The following CDK18 variants were observed in gnomAD, a reference collection of about 807,000 sequenced individuals.
The protein encoded by CDK18 is cyclin-dependent kinase 18.
A neutral mutation model predicts 62.0 loss-of-function variants in CDK18; 52 were observed. The observed-to-expected ratio is 0.84, with a 90% confidence interval of 0.67 to 1.06. The LOEUF (loss-of-function observed/expected upper bound fraction) is 1.06. Among genes scored for constraint, CDK18 ranks in the 50% least tolerant of loss-of-function variants. CDK18 has a pLI of 0.00. For missense variants in CDK18, 604 were observed against 619.9 expected (o/e 0.97, Z 0.27); for synonymous variants, 237 against 247.0 (o/e 0.96, Z 0.38).
At chr1:205,520,800 GGT>G (rs1390019307) in intron 1 of CDK18, among the ~76,000 whole-genome samples, 1 of 152,172 alleles carries the variant, frequency 6.6e-6, no homozygotes, top group Non-Finnish European at 1.5e-5. Context: ...TCACCAGGTA[GGT>G]GTGTCTGGGT....
chr1:205,525,265 A>AGTCGGCCCTCTCTG (rs1309383281), intron 5 of CDK18, 70 bp downstream of exon 5: 5 of 1,148,466 alleles, frequency 4.4e-6, no homozygotes, highest in Non-Finnish European at 6.4e-6. Flanking sequence ...AGACCTCCCT[A>AGTCGGCCCTCTCTG]GTCGGCCCTC....
chr1:205,516,545 G>A lies in CDK18; in HGVS notation c.-21-6602G>A, dbSNP rs1301281740. ...TCTAACATGTGCCTGGAACACAGCAGGTGCTCCACATGTGCCTGTAAAGCA... is the reference window on the plus strand; with the variant it reads ...TCTAACATGTGCCTGGAACACAGCAAGTGCTCCACATGTGCCTGTAAAGCA... On this transcript the variant is annotated intron_variant, in intron 1 of 15. Transcript: ENST00000429964. The surrounding 1 kb of genome is among the most constrained non-coding windows in gnomAD (Gnocchi z 4.8). Among the ~76,000 whole-genome samples the A allele has an allele frequency of 6.6e-6, 1 of 152,180 alleles. No individual in the cohort carries two copies. The highest frequency in any genetic ancestry group is 2.4e-5 in the African/African-American group (1 of 41,438).
intron 12 of CDK18, 46 bp downstream of exon 12, chr1:205,529,475 C>T: frequency 6.2e-7 from 1 of 1,610,090 alleles, no homozygotes; most frequent in African/African-American, 1.3e-5. Flanking sequence ...CCTGGCTCTC[C>T]CATCCCCAAT....
At chr1:205,523,660 C>G in intron 3 of CDK18, 35 bp downstream of exon 3, 6 of 1,551,544 alleles carry the variant, frequency 3.9e-6, no homozygotes, top group Non-Finnish European at 5.2e-6. Context: ...CGGCAGGTGG[C>G]AGGATGCACG....
chr1:205,525,188 T>G lies in CDK18; in HGVS notation c.449T>G (p.Leu150Arg), dbSNP rs1352132901. The G allele has an allele frequency of 1.2e-6, 2 of 1,609,820 alleles. No individual in the cohort carries two copies. The highest frequency in any genetic ancestry group is 2.7e-5 in the African/African-American group (2 of 74,840). ...KLETYVKLDK[L>R]GEGTYATVFK... ...GAAACATACGTGAAACTGGACAAAC[T>G]GGGAGAGGTAAGACGCTGGGTTTGG... Residue 150 changes from leucine (L) to arginine (R), a missense_variant, in exon 5 of 16, where the codon CTG (leucine) becomes CGG (arginine). Coordinates refer to ENST00000429964, the MANE Select transcript of CDK18 (RefSeq NM_212502.3).
At position 205,532,476 on chromosome 1, in the gene CDK18, G is replaced by T. The variant is rs538210887; in HGVS notation, c.*1098G>T. ...CCAGAGGGCGGCCACGACAGGGAGA[G>T]GTGTAGATGCCACCATCTGAGGGAG... On this transcript the variant is annotated 3_prime_UTR_variant, in exon 16 of 16. Transcript: ENST00000429964. 9.8e-5 allele frequency: 15 copies of T among 152,696 alleles called. No individual in the cohort carries two copies. The highest frequency in any genetic ancestry group is 3.1e-4 in the African/African-American group (13 of 41,586). The allele number at this position is 152,696 out of a possible 1,614,324, so 9.5% of individuals were successfully genotyped here.
At chr1:205,515,279 C>T (rs560643491) in intron 1 of CDK18, among the ~76,000 whole-genome samples, 5 of 147,448 alleles carry the variant, frequency 3.4e-5, no homozygotes, top group Admixed American at 7.1e-5. Context: ...TGGGTTCAAG[C>T]GATACTCCTG....
In CDK18 at chr1:205,531,941, C is replaced by T. The variant is rs1482970325; in HGVS notation, c.*563C>T. On this transcript the variant is annotated 3_prime_UTR_variant, in exon 16 of 16. Transcript: ENST00000429964. ...CCTACCCCACCTGGCAGGTGTCCCA[C>T]AGCAACAGAAGGAATAGTAGTCCCC... The T allele has an allele frequency of 6.1e-6, 1 of 163,948 alleles. No homozygotes were observed. The allele number at this position is 163,948 out of a possible 1,614,324, so 10.2% of individuals were successfully genotyped here.
At chr1:205,504,892 C>T (rs1246909867) in intron 1 of CDK18, 96 bp downstream of exon 1, 2 of 152,258 alleles carry the variant, frequency 1.3e-5, no homozygotes, top group African/African-American at 4.8e-5. Context: ...AGCGGAACGG[C>T]TCTTAAAGGC....
intron 3 of CDK18, among the ~76,000 whole-genome samples, chr1:205,523,885 T>C (rs1668278272): frequency 6.6e-6 from 1 of 152,236 alleles, no homozygotes; most frequent in Admixed American, 6.5e-5. Flanking sequence ...GCTAGACAAT[T>C]TGACTATTTG....
intron 5 of CDK18, 70 bp downstream of exon 5, chr1:205,525,265 AGTCGGCCCTCTCTG>A (rs1309383281): frequency 1.7e-5 from 20 of 1,148,576 alleles, no homozygotes; most frequent in Admixed American, 4.0e-5. Context: ...AGACCTCCCT[AGTCGGCCCTCTCTG>A]GTCGGCCCTC....
At chr1:205,515,848 C>T (rs540646912) in intron 1 of CDK18, among the ~76,000 whole-genome samples, 3 of 152,308 alleles carry the variant, frequency 2.0e-5, no homozygotes, top group African/African-American at 7.2e-5. Flanking sequence ...AGGCCTTCCC[C>T]GCCTACTTCC....
intron 1 of CDK18, among the ~76,000 whole-genome samples, chr1:205,513,182 G>C (rs540001626): frequency 6.6e-6 from 1 of 152,374 alleles, no homozygotes; most frequent in Non-Finnish European, 1.5e-5. Context: ...AAAAACACAG[G>C]ACAGTTGGGG....
rs3820377 is a variant in CDK18 at position 205,532,053 on chromosome 1, T to C, written c.*675T>C. On this transcript the variant is annotated 3_prime_UTR_variant, in exon 16 of 16. Coordinates refer to ENST00000429964, the MANE Select transcript of CDK18 (RefSeq NM_212502.3). ...TGAGCAGTGCCGGCATACGCTTTGC[T>C]GGCATGCTTGGATGCCCAGCTGTGT... The C allele has an allele frequency of 0.49, 75,558 of 152,648 alleles. 18,720 individuals carry two copies. The highest frequency in any genetic ancestry group is 0.58 in the East Asian group (2,975 of 5,160). The allele number at this position is 152,648 out of a possible 1,614,324, so 9.5% of individuals were successfully genotyped here. A position where few individuals can be genotyped will look rare whatever the true frequency, so the allele number is the denominator to read the frequency against.
At chr1:205,521,046 G>A (rs553771179) in intron 1 of CDK18, among the ~76,000 whole-genome samples, 1 of 152,302 alleles carries the variant, frequency 6.6e-6, no homozygotes, top group African/African-American at 2.4e-5. Flanking sequence ...AAAGTCCAAG[G>A]CTGGTGGGCT....
At position 205,504,762 on chromosome 1, in the gene CDK18, G is replaced by A. The variant is rs2102260186; in HGVS notation, c.-56G>A. On this transcript the variant is annotated 5_prime_UTR_variant, in exon 1 of 16. Transcript: ENST00000429964. ...GGGGAAGCTGCCCCGTGCCCGGGAGGGAGCGGGCGCACCGCGGCCCCCAGG... is the reference window on the plus strand; with the variant it reads ...GGGGAAGCTGCCCCGTGCCCGGGAGAGAGCGGGCGCACCGCGGCCCCCAGG... The A allele has an allele frequency of 6.6e-6, 1 of 152,410 alleles. No individual in the cohort carries two copies. Among genetic ancestry groups the A allele is most frequent in the East Asian group, 1.9e-4 (1 of 5,168 alleles). The allele number at this position is 152,410 out of a possible 1,614,324, so 9.4% of individuals were successfully genotyped here.
chr1:205,529,528 A>G lies in CDK18; in HGVS notation c.1186A>G (p.Thr396Ala). The part of the protein sequence containing the change: ...PLINHAPRLD[T>A]DGIHLLSSLL... ...CGCGCCTTCTCCTTGCAGGTTGGAT[A>G]CGGATGGCATCCACCTCCTGAGCAG... Residue 396 changes from threonine to alanine, a missense_variant, in exon 13 of 16, where the codon ACG becomes GCG. Physicochemically the swap from Thr to Ala is moderately conservative, Grantham distance 58. Transcript: ENST00000429964. The G allele has an allele frequency of 2.5e-6, 4 of 1,611,714 alleles. 1 individual carries two copies. The highest frequency in any genetic ancestry group is 1.1e-5 in the South Asian group (1 of 90,810).
Position 205,527,579 on chromosome 1 carries a change from C to A in CDK18, c.730-215C>A, listed in dbSNP as rs1668503466. The A allele has an allele frequency of 7.1e-6, 4 of 561,880 alleles. No homozygotes were observed. The highest frequency in any genetic ancestry group is 6.6e-5 in the South Asian group (3 of 45,192). The allele number at this position is 561,880 out of a possible 1,614,324, so 34.8% of individuals were successfully genotyped here. A position where few individuals can be genotyped will look rare whatever the true frequency, so the allele number is the denominator to read the frequency against. On this transcript the variant is annotated intron_variant, in intron 8 of 15. Transcript: ENST00000429964. The surrounding 1 kb of genome is among the most constrained non-coding windows in gnomAD (Gnocchi z 4.1). ...TGACTGAGACTTCGCTGGCCTCCCCCACACTCACTGCGTCCTCTGCACCCC... is the reference window on the plus strand; with the variant it reads ...TGACTGAGACTTCGCTGGCCTCCCCAACACTCACTGCGTCCTCTGCACCCC...
At position 205,527,305 on chromosome 1, in the gene CDK18, C is replaced by T. The variant is rs557895397; in HGVS notation, c.729+468C>T. On this transcript the variant is annotated intron_variant, in intron 8 of 15. Transcript: ENST00000429964. This position sits in a 1 kb window ranked among gnomAD's most constrained non-coding sequence, Gnocchi z 4.1. ...ACCAGCCTGGGCAACATGGCAAGACCTCATCTCTACTAAAAATTGAAAAAT... is the reference window on the plus strand; with the variant it reads ...ACCAGCCTGGGCAACATGGCAAGACTTCATCTCTACTAAAAATTGAAAAAT... The T allele has an allele frequency of 3.7e-4, 82 of 219,276 alleles. No homozygotes were observed. Among genetic ancestry groups the T allele is most frequent in the African/African-American group, 1.8e-3 (80 of 43,318 alleles). 13.6% of individuals were successfully genotyped at this position (219,276 alleles called of 1,614,324 possible).
Sources: allele counts gnomAD v4.1 joint callset (sites outside exome capture counted in the v4.1 genomes callset), GRCh38; gene constraint gnomAD v4.1.1; non-coding constraint Gnocchi (gnomAD v3.1); transcripts MANE v1.5; gene names NCBI Gene and HGNC (gene_info 2026-07-23, HGNC 2026-07-21).